SP4: variants seen among roughly 807,000 people sequenced by gnomAD.
The protein encoded by SP4 is transcription factor Sp4.
A neutral mutation model predicts 72.8 loss-of-function variants in SP4; 19 were observed. That is an observed-to-expected ratio of 0.26 (90% CI 0.18 to 0.38). SP4 has a LOEUF of 0.38. Among genes scored for constraint, SP4 ranks in the 10% least tolerant of loss-of-function variants. The pLI is 1.00. For missense variants in SP4, 1,008 were observed against 926.3 expected (o/e 1.09, Z -1.14); for synonymous variants, 395 against 333.1 (o/e 1.19, Z -2.02).
Position 21,512,420 on chromosome 7 carries a change from C to G in SP4, c.*1151C>G, listed in dbSNP as rs1189035584. 6.6e-6 allele frequency: 1 copy of G among 151,636 alleles called. No individual in the cohort carries two copies. Among genetic ancestry groups the G allele is most frequent in the African/African-American group, 2.4e-5 (1 of 41,164 alleles). The allele number at this position is 151,636 out of a possible 1,614,324, so 9.4% of individuals were successfully genotyped here. A position where few individuals can be genotyped will look rare whatever the true frequency, so the allele number is the denominator to read the frequency against. ...ATGTTACATCAATAACTGAATTTTC[C>G]CTAAAAATTAGCCTAATATATAATA... On this transcript the variant is annotated 3_prime_UTR_variant, in exon 6 of 6. Coordinates refer to ENST00000222584, the MANE Select transcript of SP4 (RefSeq NM_003112.5).
rs1236420170 is a variant in SP4, at chr7:21,513,649, T to G, written c.*2380T>G. On this transcript the variant is annotated 3_prime_UTR_variant, in exon 6 of 6. Coordinates refer to ENST00000222584, the MANE Select transcript of SP4 (RefSeq NM_003112.5). ...GTTTCCTCAGAGTGACACTTTTTGTTGTTGTTAATACCAAGTATGAACACT... is the reference window on the plus strand; with the variant it reads ...GTTTCCTCAGAGTGACACTTTTTGTGGTTGTTAATACCAAGTATGAACACT... The G allele has an allele frequency of 1.3e-5, 2 of 152,390 alleles. No individual in the cohort carries two copies. The highest frequency in any genetic ancestry group is 2.9e-5 in the Non-Finnish European group (2 of 68,034). 9.4% of individuals were successfully genotyped at this position (152,390 alleles called of 1,614,324 possible). A position where few individuals can be genotyped will look rare whatever the true frequency, so the allele number is the denominator to read the frequency against.
chr7:21,507,619 T>C (rs1394279401), intron 5 of SP4, among the ~76,000 whole-genome samples: 1 of 152,218 alleles, frequency 6.6e-6, no homozygotes, highest in Non-Finnish European at 1.5e-5. Context: ...TGGGGTTTTA[T>C]TATTCACATA....
chr7:21,456,905 G>T (rs1400139647), intron 3 of SP4, among the ~76,000 whole-genome samples: 1 of 152,146 alleles, frequency 6.6e-6, no homozygotes, highest in Non-Finnish European at 1.5e-5. Context: ...TGAGAGATCA[G>T]CCCAGTGGAG....
chr7:21,490,637 G>A (rs1396289397), intron 5 of SP4, among the ~76,000 whole-genome samples: 1 of 152,166 alleles, frequency 6.6e-6, no homozygotes, highest in Non-Finnish European at 1.5e-5. Flanking sequence ...GGGAAATTTT[G>A]AGAGCGATAT....
At position 21,428,118 on chromosome 7, in the gene SP4, A is replaced by G. The variant is rs1351469013; in HGVS notation, c.-134A>G. The stretch of plus-strand genomic sequence containing the variant: ...GGCGGCCATTCGCGGAAAAAGAGGC[A>G]GAGCCTGTGCCAGCTACAGCCTCCT... On this transcript the variant is annotated 5_prime_UTR_variant, in exon 1 of 6. Transcript: ENST00000222584. 1.4e-6 allele frequency: 1 copy of G among 704,386 alleles called. No individual in the cohort carries two copies. Among genetic ancestry groups the G allele is most frequent in the Non-Finnish European group, 2.6e-6 (1 of 378,280 alleles). The allele number at this position is 704,386 out of a possible 1,614,324, so 43.6% of individuals were successfully genotyped here.
chr7:21,499,079 CAA>C (rs34565680), intron 5 of SP4, among the ~76,000 whole-genome samples: 36,827 of 99,246 alleles, frequency 0.37, 5,165 homozygotes, highest in East Asian at 0.74. Context: ...GACTCTGTCT[CAA>C]AAAAAAAAAA....
At chr7:21,445,538 TGCTG>T (rs1326793677) in intron 3 of SP4, among the ~76,000 whole-genome samples, 1 of 152,112 alleles carries the variant, frequency 6.6e-6, no homozygotes, top group African/African-American at 2.4e-5. Context: ...TTGTTCTAGG[TGCTG>T]GGGAAACAAA....
At chr7:21,428,385 G>C in intron 1 of SP4, 127 bp downstream of exon 1, 2 of 705,196 alleles carry the variant, frequency 2.8e-6, no homozygotes, top group Non-Finnish European at 5.3e-6. Context: ...AGGAGAGGGC[G>C]GGAGGGAATC....
chr7:21,450,128 G>A (rs1783544868), intron 3 of SP4, among the ~76,000 whole-genome samples: 2 of 150,424 alleles, frequency 1.3e-5, no homozygotes, highest in Admixed American at 1.3e-4. Context: ...TGTTTTATTT[G>A]GCTTTTGCTG....
chr7:21,503,513 T>G (rs1045905574), intron 5 of SP4, among the ~76,000 whole-genome samples: 3 of 152,330 alleles, frequency 2.0e-5, no homozygotes, highest in South Asian at 2.1e-4. Flanking sequence ...CCCATTTAAT[T>G]TGTAAACCTT....
intron 5 of SP4, among the ~76,000 whole-genome samples, chr7:21,509,005 G>A (rs904267023): frequency 3.3e-5 from 5 of 151,940 alleles, no homozygotes; most frequent in African/African-American, 1.2e-4. Context: ...GATTATTTAT[G>A]TAAATAGTAA....
intron 3 of SP4, among the ~76,000 whole-genome samples, chr7:21,456,172 A>T (rs755314225): frequency 1.2e-4 from 18 of 152,156 alleles, no homozygotes; most frequent in Non-Finnish European, 1.9e-4. Context: ...TTGGGGTGAG[A>T]ACTCACAAAT....
chr7:21,488,203 T>A lies in SP4; in HGVS notation c.2107+6080T>A, dbSNP rs531426316. On this transcript the variant is annotated intron_variant, in intron 5 of 5. Coordinates refer to ENST00000222584, the MANE Select transcript of SP4 (RefSeq NM_003112.5). ...TATTTTAGGTAACTGGGTGGAACAC[T>A]GTGTTACACTGGAAGATGCCTAATT... Among the ~76,000 whole-genome samples the A allele has an allele frequency of 3.3e-5, 5 of 152,230 alleles. No individual in the cohort carries two copies. The South Asian group carries it at 8.3e-4, about 25-fold the overall frequency.
At chr7:21,496,356 CA>C (rs1781706112) in intron 5 of SP4, among the ~76,000 whole-genome samples, 1 of 152,138 alleles carries the variant, frequency 6.6e-6, no homozygotes, top group Admixed American at 6.5e-5. Flanking sequence ...GAATTCAGAA[CA>C]GTTTTCTGTT....
At chr7:21,487,629 G>A in intron 5 of SP4, among the ~76,000 whole-genome samples, 1 of 151,816 alleles carries the variant, frequency 6.6e-6, no homozygotes, top group Non-Finnish European at 1.5e-5. Flanking sequence ...AATTATCTCA[G>A]TTTTTTAATC....
chr7:21,482,911 A>G (rs948960521), intron 5 of SP4: 2 of 239,286 alleles, frequency 8.4e-6, no homozygotes, highest in Non-Finnish European at 1.4e-5. Context: ...ATTCATTCCC[A>G]TACTGTTTGA....
intron 3 of SP4, among the ~76,000 whole-genome samples, chr7:21,472,401 C>T (rs966929247): frequency 2.0e-5 from 3 of 152,094 alleles, no homozygotes; most frequent in African/African-American, 7.2e-5. Flanking sequence ...CCTCTCACCT[C>T]AGCACCTCAT....
At chr7:21,504,016 C>T (rs970176156) in intron 5 of SP4, among the ~76,000 whole-genome samples, 5 of 152,156 alleles carry the variant, frequency 3.3e-5, no homozygotes, top group African/African-American at 9.7e-5. Flanking sequence ...GACCCCTGTC[C>T]TGTCTAATTC....
At chr7:21,500,824 A>G (rs2128415884) in intron 5 of SP4, among the ~76,000 whole-genome samples, 1 of 152,336 alleles carries the variant, frequency 6.6e-6, no homozygotes, top group South Asian at 2.1e-4. Context: ...ATATCCCTAT[A>G]TTAAGCTCCA....
Sources: gnomAD v4.1 joint callset for allele counts (sites outside exome capture counted in the v4.1 genomes callset) on GRCh38, gnomAD v4.1.1 for gene constraint, MANE v1.5 for transcripts, NCBI Gene and HGNC (gene_info 2026-07-23, HGNC 2026-07-21) for gene names.